TCF20: variants seen among roughly 807,000 people sequenced by gnomAD.
The protein encoded by TCF20 is transcription factor 20, also known as SPRE-binding protein.
TCF20 carries 3 observed loss-of-function variants against 148.6 expected under a neutral mutation model. The observed-to-expected ratio is 0.02, with a 90% CI of 0.01 to 0.05. The LOEUF is 0.05. TCF20 is among the 10% of genes least tolerant of loss of function. The probability of loss-of-function intolerance (pLI) is 1.00; values close to 1 mark genes in which losing one functional copy is unlikely to be tolerated. For missense variants in TCF20, 2,350 were observed against 2,429.3 expected (o/e 0.97, Z 0.69); for synonymous variants, 1,049 against 909.5 (o/e 1.15, Z -2.76).
At chr22:42,227,210 G>C (rs1448035507) in intron 1 of TCF20, among the ~76,000 whole-genome samples, 1 of 152,174 alleles carries the variant, frequency 6.6e-6, no homozygotes, top group African/African-American at 2.4e-5. Context: ...TTGAACTCTG[G>C]AGGCTGCAGT....
intron 3 of TCF20, among the ~76,000 whole-genome samples, chr22:42,177,046 A>C (rs1031754062): frequency 6.6e-6 from 1 of 152,158 alleles, no homozygotes; most frequent in African/African-American, 2.4e-5. Flanking sequence ...TTTGCTAATT[A>C]CCTAGGTCTG....
rs558687412 is a variant in TCF20 at position 42,210,389 on chromosome 22, A to G, written c.4917T>C (p.Asn1639=). The part of the protein sequence containing the change: ...KSFYPYIHVV[N]KCELGAVCTI... ...TACAAACGGCTCCAAGTTCACACTT[A>G]TTTACTACATGGATGTAAGGGTAAA... The change falls in exon 2 of 6, where the codon AAT becomes AAC. Residue 1639 remains asparagine, a synonymous_variant. Transcript: ENST00000677622. The surrounding 1 kb of genome is among the most constrained non-coding windows in gnomAD (Gnocchi z 4.7). 13 of 1,614,188 alleles carry G rather than the reference A, an allele frequency of 8.1e-6. No individual in the cohort carries two copies. The South Asian group carries it at 1.3e-4, about 16-fold the overall frequency.
chr22:42,335,192 C>G (rs1928044871), intron 1 of TCF20, among the ~76,000 whole-genome samples: 1 of 152,108 alleles, frequency 6.6e-6, no homozygotes, highest in African/African-American at 2.4e-5. Context: ...GGGAAACAGA[C>G]AAGAAAGCAA....
In TCF20 at chr22:42,292,122, A is replaced by C. The variant is rs1218700193; in HGVS notation, c.-37+51357T>G. ...GGCCTCACTCCCATTTCTTAGATAA[A>C]GAAACTTAGCACAGCACCCATAGGC... On this transcript the variant is annotated intron_variant, in intron 1 of 1. Coordinates refer to the TCF20 transcript ENST00000515426. This position sits in a 1 kb window ranked among gnomAD's most constrained non-coding sequence, Gnocchi z 4.9. 6.6e-6 allele frequency among the ~76,000 whole-genome samples: 1 copy of C among 152,128 alleles called. No homozygotes were observed. Among genetic ancestry groups the C allele is most frequent in the Non-Finnish European group, 1.5e-5 (1 of 68,012 alleles).
intron 1 of TCF20, among the ~76,000 whole-genome samples, chr22:42,323,309 G>C (rs1927769111): frequency 6.7e-6 from 1 of 149,286 alleles, no homozygotes; most frequent in African/African-American, 2.5e-5. Flanking sequence ...AAGGGTGGGT[G>C]GGATGGCAGG....
chr22:42,294,591 G>A (rs1238523455), intron 1 of TCF20, among the ~76,000 whole-genome samples: 6 of 152,150 alleles, frequency 3.9e-5, no homozygotes, highest in Non-Finnish European at 5.9e-5. Flanking sequence ...TGGGCCCAGC[G>A]GTCACAAGGA....
intron 3 of TCF20, among the ~76,000 whole-genome samples, chr22:42,172,985 T>C (rs1936218599): frequency 6.6e-6 from 1 of 152,158 alleles, no homozygotes; most frequent in South Asian, 2.1e-4. Flanking sequence ...GTCAGACTAC[T>C]GGCATTTCCT....
chr22:42,171,261 T>C (rs770071972), intron 3 of TCF20, among the ~76,000 whole-genome samples: 6 of 152,178 alleles, frequency 3.9e-5, no homozygotes, highest in Non-Finnish European at 7.3e-5. Context: ...TAAATATTGA[T>C]AACACATTCT....
upstream of TCF20, among the ~76,000 whole-genome samples, chr22:42,286,656 G>T (rs550548748): frequency 1.1e-4 from 16 of 152,354 alleles, no homozygotes; most frequent in South Asian, 3.3e-3. Flanking sequence ...TGAGAGAGAT[G>T]TGCTGTGGCA....
At chr22:42,188,318 A>AAAAAAAAAAC (rs1937152999) in intron 2 of TCF20, among the ~76,000 whole-genome samples, 3 of 148,968 alleles carry the variant, frequency 2.0e-5, no homozygotes, top group Non-Finnish European at 3.0e-5. Context: ...AAAAAAAAAA[A>AAAAAAAAAAC]AATCCAGATT....
intron 1 of TCF20, among the ~76,000 whole-genome samples, chr22:42,281,770 G>C (rs966737677): frequency 6.6e-6 from 1 of 152,234 alleles, no homozygotes; most frequent in South Asian, 2.1e-4. Context: ...GAGGGCAGCT[G>C]TTCCATCCTG....
intron 1 of TCF20, among the ~76,000 whole-genome samples, chr22:42,303,922 G>A (rs75023635): frequency 0.025 from 3,800 of 151,892 alleles, 173 homozygotes; most frequent in African/African-American, 0.088. Context: ...AGAGAATGGA[G>A]AAAGGGGAAG....
At chr22:42,261,081 T>C (rs1926004043) in intron 1 of TCF20, among the ~76,000 whole-genome samples, 2 of 152,232 alleles carry the variant, frequency 1.3e-5, no homozygotes, top group Admixed American at 1.3e-4. Flanking sequence ...CTGCCCATTC[T>C]GGAATGTCCA....
intron 3 of TCF20, among the ~76,000 whole-genome samples, chr22:42,171,242 G>A (rs2067251253): frequency 1.3e-5 from 2 of 152,182 alleles, no homozygotes; most frequent in East Asian, 1.9e-4. Flanking sequence ...CGCGGTGGCA[G>A]AATGTTAATA....
At chr22:42,269,417 A>G (rs149314884) in intron 1 of TCF20, among the ~76,000 whole-genome samples, 2,110 of 152,226 alleles carry the variant, frequency 0.014, 47 homozygotes, top group African/African-American at 0.048. Flanking sequence ...ACAAAAACAG[A>G]CAATAATCCC....
chr22:42,214,848 T>C lies in TCF20; in HGVS notation c.458A>G (p.Gln153Arg). ...AGAGAAAGGCCCAGTGTAATCCTGC[T>C]GATAATGTGACACACCGCCAAGGCC... is the stretch of plus-strand genomic sequence containing the variant. ...HSGLGGVSHY[Q>R]QDYTGPFSPG... is the part of the protein sequence containing the mutation. Residue 153 changes from glutamine (Q) to arginine (R), a missense_variant, in exon 2 of 6, where the codon CAG becomes CGG. Around this residue, in one of 7 missense-constraint regions of TCF20, gnomAD observed 1,641 missense variants for 1,662.6 expected, o/e 0.99. Transcript: ENST00000677622. 4 of 1,614,168 alleles carry C rather than the reference T, an allele frequency of 2.5e-6. No homozygotes were observed. Among genetic ancestry groups the C allele is most frequent in the Middle Eastern group, 3.3e-4 (2 of 6,062 alleles).
chr22:42,281,702 C>A (rs546210197), intron 1 of TCF20, among the ~76,000 whole-genome samples: 2 of 152,362 alleles, frequency 1.3e-5, no homozygotes, highest in South Asian at 2.1e-4. Flanking sequence ...GGAAAAAACC[C>A]CTTGGGGTGA....
intron 1 of TCF20, among the ~76,000 whole-genome samples, chr22:42,225,547 G>T (rs913209780): frequency 6.7e-6 from 1 of 149,760 alleles, no homozygotes; most frequent in Non-Finnish European, 1.5e-5. Context: ...CCGGGAGGCG[G>T]AGCTTGCAGT....
intron 2 of TCF20, among the ~76,000 whole-genome samples, chr22:42,204,116 A>G (rs1281872144): frequency 6.6e-6 from 1 of 152,244 alleles, no homozygotes; most frequent in African/African-American, 2.4e-5. Flanking sequence ...TTCCATCACA[A>G]TTTAAAGTAA....
Sources: gnomAD v4.1 joint callset for allele counts (sites outside exome capture counted in the v4.1 genomes callset) on GRCh38, gnomAD v4.1.1 for gene constraint, gnomAD v4.1.1 regional missense constraint, Gnocchi (gnomAD v3.1) non-coding constraint, MANE v1.5 for transcripts, NCBI Gene and HGNC (gene_info 2026-07-23, HGNC 2026-07-21) for gene names.